Variants in TAPBPL observed in about 807,000 individuals in gnomAD.
The protein encoded by TAPBPL is tapasin-related protein.
A neutral mutation model predicts 44.8 loss-of-function variants in TAPBPL; 32 were observed. The ratio of observed to expected loss-of-function variants is 0.71; its 90% CI spans 0.54 to 0.96. The LOEUF is 0.96. Among genes scored for constraint, TAPBPL ranks in the 40% least tolerant of loss-of-function variants. The pLI is 0.00. For missense variants in TAPBPL, 520 were observed against 586.6 expected, an observed-to-expected ratio of 0.89 and a Z score of 1.17; for synonymous variants, 230 against 240.7, an observed-to-expected ratio of 0.96 and a Z score of 0.41.
chr12:6,468,971 A>C (rs138056540), downstream of TAPBPL, among the ~76,000 whole-genome samples: 26 of 152,342 alleles, frequency 1.7e-4, no homozygotes, highest in Non-Finnish European at 3.2e-4. Context: ...AAAGTCACCT[A>C]AAAGGAAATT....
At chr12:6,459,788 C>T (rs1353538117) in intron 5 of TAPBPL, among the ~76,000 whole-genome samples, 2 of 150,248 alleles carry the variant, frequency 1.3e-5, no homozygotes, top group South Asian at 2.1e-4. Context: ...TACTTTTTTT[C>T]GATACAGAAT....
intron 5 of TAPBPL, among the ~76,000 whole-genome samples, chr12:6,460,641 G>A (rs1949830345): frequency 6.6e-6 from 1 of 152,202 alleles, no homozygotes; most frequent in African/African-American, 2.4e-5. Flanking sequence ...CCTTAGGTGG[G>A]AAGAGGTAGA....
intron 3 of TAPBPL, among the ~76,000 whole-genome samples, chr12:6,454,482 C>A (rs1323067456): frequency 1.3e-5 from 2 of 152,118 alleles, no homozygotes; most frequent in African/African-American, 4.8e-5. Context: ...ACAACAACAA[C>A]AACAAAAACC....
downstream of TAPBPL, among the ~76,000 whole-genome samples, chr12:6,469,906 A>G (rs116016953): frequency 6.6e-6 from 1 of 152,250 alleles, no homozygotes; most frequent in African/African-American, 2.4e-5. Flanking sequence ...CTCCTATACG[A>G]ATGGCCTTGG....
intron 1 of TAPBPL, 195 bp downstream of exon 1, chr12:6,452,507 C>A: frequency 7.0e-7 from 1 of 1,433,280 alleles, no homozygotes; most frequent in Non-Finnish European, 9.2e-7. Flanking sequence ...GGGGACTCCA[C>A]AGGGAAAATG....
chr12:6,453,424 G>A lies in TAPBPL; in HGVS notation c.296-23G>A. 6.2e-7 allele frequency: 1 copy of A among 1,613,242 alleles called. No homozygotes were observed. The highest frequency in any genetic ancestry group is 8.5e-7 in the Non-Finnish European group (1 of 1,179,480). On this transcript the variant is annotated intron_variant, in intron 2 of 6. Transcript: ENST00000266556. This position sits in a 1 kb window ranked among gnomAD's most constrained non-coding sequence, Gnocchi z 4.8. The stretch of plus-strand genomic sequence containing the variant: ...GTGTTCTCACGCTAATTTGCCCTCT[G>A]TGTGTGCCCTGCTTCTCCCCAGTGG...
At chr12:6,458,301 C>T (rs201529059) in intron 4 of TAPBPL, among the ~76,000 whole-genome samples, 3 of 151,624 alleles carry the variant, frequency 2.0e-5, no homozygotes, top group Admixed American at 6.6e-5. Context: ...GCTTGAACCC[C>T]GGAGGTGGAG....
chr12:6,458,205 G>T (rs188162195), intron 4 of TAPBPL, among the ~76,000 whole-genome samples: 1 of 152,068 alleles, frequency 6.6e-6, no homozygotes, highest in East Asian at 1.9e-4. Context: ...GTGAAACTCC[G>T]TCTCTACTAA....
At chr12:6,469,135 C>T (rs575344910), downstream of TAPBPL, among the ~76,000 whole-genome samples, 1 of 152,306 alleles carries the variant, frequency 6.6e-6, no homozygotes, top group African/African-American at 2.4e-5. Flanking sequence ...ATCACTTTTC[C>T]ATTTCCCTCT....
downstream of TAPBPL, among the ~76,000 whole-genome samples, chr12:6,468,177 C>T (rs926374210): frequency 5.3e-5 from 8 of 152,184 alleles, no homozygotes; most frequent in Admixed American, 2.0e-4. Context: ...TTGCACCGTG[C>T]GCCTGGAAAA....
Position 6,453,854 on chromosome 12 carries a change from C to T in TAPBPL, c.565+138C>T. 1 of 1,181,588 alleles carries T rather than the reference C, an allele frequency of 8.5e-7. No individual in the cohort carries two copies. Among genetic ancestry groups the T allele is most frequent in the East Asian group, 2.6e-5 (1 of 37,826 alleles). The allele number at this position is 1,181,588 out of a possible 1,614,324, so 73.2% of individuals were successfully genotyped here. On this transcript the variant is annotated intron_variant, in intron 3 of 6. Transcript: ENST00000266556. The surrounding 1 kb of genome is among the most constrained non-coding windows in gnomAD (Gnocchi z 4.8). ...TCAACACGGTGAAACCCCGTCTCTA[C>T]TAATACCAAAATTAGCCGGGCATGG... is the stretch of plus-strand genomic sequence containing the variant.
In TAPBPL at chr12:6,462,079, C is replaced by T; in HGVS notation, c.1337C>T (p.Thr446Ile). 6.2e-7 allele frequency: 1 copy of T among 1,613,858 alleles called. No homozygotes were observed. Among genetic ancestry groups the T allele is most frequent in the Non-Finnish European group, 8.5e-7 (1 of 1,179,746 alleles). Reference sequence around the variant, plus strand: ...CTTCAGGCTGAACGCTGGGAGACCACTTCCTGTGCTGACACACAGAGCTCC... The same window carrying T: ...CTTCAGGCTGAACGCTGGGAGACCATTTCCTGTGCTGACACACAGAGCTCC... ...GLLQAERWET[T>I]SCADTQSSHL... Residue 446 changes from threonine (T) to isoleucine (I), a missense_variant, in exon 7 of 7, where the codon ACT (threonine) becomes ATT (isoleucine). Transcript: ENST00000266556.
At chr12:6,455,755 G>A (rs563461217) in intron 3 of TAPBPL, among the ~76,000 whole-genome samples, 3 of 141,964 alleles carry the variant, frequency 2.1e-5, no homozygotes, top group Non-Finnish European at 3.1e-5. Context: ...CATAGAGAGC[G>A]AGACCCTCTT....
chr12:6,471,648 C>T, the TAPBPL span, among the ~76,000 whole-genome samples: 1 of 152,034 alleles, frequency 6.6e-6, no homozygotes, highest in Non-Finnish European at 1.5e-5. This position sits in a 1 kb window ranked among gnomAD's most constrained non-coding sequence, Gnocchi z 4.0. Context: ...GCCAACATGG[C>T]GAAACCTCTG....
chr12:6,457,772 G>A (rs1264796286), intron 4 of TAPBPL, 28 bp downstream of exon 4: 1 of 1,534,432 alleles, frequency 6.5e-7, no homozygotes. Flanking sequence ...TTATCCCAGG[G>A]AAGGGGATAT....
chr12:6,460,035 G>C (rs1231627465), intron 5 of TAPBPL, among the ~76,000 whole-genome samples: 1 of 151,710 alleles, frequency 6.6e-6, no homozygotes, highest in Non-Finnish European at 1.5e-5. Flanking sequence ...TTCCCAAAGT[G>C]CTGGGATTAC....
chr12:6,453,420 C>T lies in TAPBPL; in HGVS notation c.296-27C>T, dbSNP rs1008453404. 6 of 1,612,564 alleles carry T rather than the reference C, an allele frequency of 3.7e-6. No homozygotes were observed. Among genetic ancestry groups the T allele is most frequent in the Middle Eastern group, 1.6e-4 (1 of 6,074 alleles). On this transcript the variant is annotated intron_variant, in intron 2 of 6. Transcript: ENST00000266556. The surrounding 1 kb of genome is among the most constrained non-coding windows in gnomAD (Gnocchi z 4.8). ...CCTGGTGTTCTCACGCTAATTTGCC[C>T]TCTGTGTGTGCCCTGCTTCTCCCCA...
downstream of TAPBPL, among the ~76,000 whole-genome samples, chr12:6,468,212 G>A (rs888088058): frequency 1.3e-5 from 2 of 152,238 alleles, no homozygotes; most frequent in Admixed American, 6.5e-5. Flanking sequence ...ATGCCAGTCC[G>A]TGAAGGGAGC....
rs1949623282 is a variant in TAPBPL at position 6,453,604 on chromosome 12, G to A, written c.453G>A (p.Gly151=). 6.2e-7 allele frequency: 1 copy of A among 1,614,004 alleles called. No homozygotes were observed. Among genetic ancestry groups the A allele is most frequent in the Non-Finnish European group, 8.5e-7 (1 of 1,180,014 alleles). ...TGGCCAACATGCAGGTCTCTGGAGG[G>A]GGACCTAGCATCTCCTTGGTGATGA... ...WFMANMQVSG[G]GPSISLVMKT... The change falls in exon 3 of 7, where the codon GGG becomes GGA. Residue 151 remains glycine (G), a synonymous_variant. Transcript: ENST00000266556. The surrounding 1 kb of genome is among the most constrained non-coding windows in gnomAD (Gnocchi z 4.8).
Sources: gnomAD v4.1 joint callset for allele counts (sites outside exome capture counted in the v4.1 genomes callset) on GRCh38, gnomAD v4.1.1 for gene constraint, Gnocchi (gnomAD v3.1) non-coding constraint, MANE v1.5 for transcripts, NCBI Gene and HGNC (gene_info 2026-07-23, HGNC 2026-07-21) for gene names.